Variants in PLCB1 observed in about 807,000 individuals in gnomAD.
PLCB1 encodes the protein 1-phosphatidylinositol 4,5-bisphosphate phosphodiesterase beta-1.
Under a neutral mutation model 161.8 loss-of-function variants are expected in PLCB1, and 46 were observed. The observed-to-expected ratio is 0.28, with a 90% CI of 0.22 to 0.36. The LOEUF (loss-of-function observed/expected upper bound fraction) is 0.36, where lower values mean the gene tolerates loss of function less well. Among genes scored for constraint, PLCB1 ranks in the 10% least tolerant of loss-of-function variants. The probability of loss-of-function intolerance (pLI) is 1.00; values close to 1 mark genes in which losing one functional copy is unlikely to be tolerated. For synonymous variants in PLCB1, 517 were observed against 503.7 expected, an observed-to-expected ratio of 1.03 and a Z score of -0.35; for missense variants, 1,016 against 1,472.5, an observed-to-expected ratio of 0.69 and a Z score of 5.07.
At chr20:8,595,151 C>T (rs1987291231) in intron 3 of PLCB1, among the ~76,000 whole-genome samples, 1 of 151,234 alleles carries the variant, frequency 6.6e-6, no homozygotes, top group Non-Finnish European at 1.5e-5. Flanking sequence ...GCACATTGTG[C>T]AGGTTAGTTA....
intron 2 of PLCB1, among the ~76,000 whole-genome samples, chr20:8,324,832 G>A (rs961271512): frequency 9.9e-5 from 15 of 152,184 alleles, no homozygotes; most frequent in African/African-American, 3.6e-4. Flanking sequence ...CCTTGTCACA[G>A]CCACTGCTTC....
intron 3 of PLCB1, among the ~76,000 whole-genome samples, chr20:8,497,580 G>T (rs1983231122): frequency 6.6e-6 from 1 of 152,148 alleles, no homozygotes. Context: ...AATTATAAAA[G>T]ATTTAGCCAT....
At chr20:8,509,741 G>C (rs1347953225) in intron 3 of PLCB1, among the ~76,000 whole-genome samples, 1 of 93,752 alleles carries the variant, frequency 1.1e-5, no homozygotes, top group Non-Finnish European at 2.3e-5. Context: ...TAGATAGATA[G>C]ATAGATAGAT....
intron 4 of PLCB1, among the ~76,000 whole-genome samples, chr20:8,632,774 C>G (rs908637177): frequency 6.6e-6 from 1 of 152,100 alleles, no homozygotes; most frequent in Non-Finnish European, 1.5e-5. Flanking sequence ...GCAAGCGTGA[C>G]AGCAGCTGGG....
At chr20:8,619,458 A>C (rs2013817) in intron 3 of PLCB1, among the ~76,000 whole-genome samples, 120,733 of 151,922 alleles carry the variant, frequency 0.79, 48,192 homozygotes, top group East Asian at 0.85. Context: ...AGATAAGTAT[A>C]AGCTAACATT....
chr20:8,406,052 C>T (rs968770306), intron 3 of PLCB1, among the ~76,000 whole-genome samples: 17 of 151,664 alleles, frequency 1.1e-4, no homozygotes, highest in African/African-American at 4.1e-4. Context: ...CATTTACCAG[C>T]CCATCATTGC....
chr20:8,526,079 A>G (rs777053302), intron 3 of PLCB1, among the ~76,000 whole-genome samples: 4 of 152,162 alleles, frequency 2.6e-5, no homozygotes, highest in Non-Finnish European at 5.9e-5. Flanking sequence ...ATCCTATATC[A>G]TGATCAGCGG....
intron 2 of PLCB1, among the ~76,000 whole-genome samples, chr20:8,162,188 A>G (rs954844271): frequency 2.6e-5 from 4 of 152,170 alleles, no homozygotes; most frequent in African/African-American, 9.7e-5. Context: ...ATCGTTACCA[A>G]ACATGTCCTC....
intron 2 of PLCB1, among the ~76,000 whole-genome samples, chr20:8,306,708 A>G (rs909845576): frequency 1.3e-5 from 2 of 152,230 alleles, no homozygotes; most frequent in Non-Finnish European, 2.9e-5. Flanking sequence ...TGCAAAGTGA[A>G]TGAAGAACTC....
intron 11 of PLCB1, among the ~76,000 whole-genome samples, chr20:8,699,513 T>G (rs1251340293): frequency 6.6e-6 from 1 of 151,974 alleles, no homozygotes; most frequent in African/African-American, 2.4e-5. Context: ...TAAAGAAGAT[T>G]GAAAGGTAGT....
intron 31 of PLCB1, among the ~76,000 whole-genome samples, chr20:8,839,946 G>T (rs375181253): frequency 2.0e-5 from 3 of 151,474 alleles, no homozygotes; most frequent in South Asian, 2.1e-4. Flanking sequence ...CAGGAGAATC[G>T]CTTGAACCCA....
At chr20:8,785,618 G>A (rs1256240499) in intron 27 of PLCB1, among the ~76,000 whole-genome samples, 1 of 152,148 alleles carries the variant, frequency 6.6e-6, no homozygotes, top group African/African-American at 2.4e-5. Flanking sequence ...AAAGGACGTG[G>A]CAGACAGGGA....
In PLCB1 at chr20:8,724,636, T is replaced by C. The variant is rs978161914; in HGVS notation, c.1582-20T>C. The stretch of plus-strand genomic sequence containing the variant: ...TAATGCTGACTCTGGAAATGTTTTC[T>C]TTTTTATTCCTACTTCCAGGGGACT... On this transcript the variant is annotated intron_variant, in intron 15 of 31. Transcript: ENST00000338037. The C allele has an allele frequency of 1.4e-6, 2 of 1,398,298 alleles. No homozygotes were observed. Among genetic ancestry groups the C allele is most frequent in the Non-Finnish European group, 2.0e-6 (2 of 989,494 alleles). The allele number at this position is 1,398,298 out of a possible 1,614,324, so 86.6% of individuals were successfully genotyped here.
intron 2 of PLCB1, among the ~76,000 whole-genome samples, chr20:8,292,352 C>T (rs1359917015): frequency 6.6e-6 from 1 of 152,120 alleles, no homozygotes; most frequent in Non-Finnish European, 1.5e-5. Flanking sequence ...TTTGTTCAAG[C>T]ACAGTTGTGC....
chr20:8,875,661 G>A (rs1359880593), intron 31 of PLCB1, among the ~76,000 whole-genome samples: 1 of 151,388 alleles, frequency 6.6e-6, no homozygotes, highest in East Asian at 1.9e-4. Flanking sequence ...ATATCTGTCT[G>A]CACATTATCC....
chr20:8,358,487 G>A (rs566306339), intron 2 of PLCB1, among the ~76,000 whole-genome samples: 1 of 152,102 alleles, frequency 6.6e-6, no homozygotes, highest in South Asian at 2.1e-4. Context: ...CTGACCTCAG[G>A]TGATCCACCC....
intron 31 of PLCB1, among the ~76,000 whole-genome samples, chr20:8,877,685 A>G (rs1222782075): frequency 6.6e-6 from 1 of 152,212 alleles, no homozygotes; most frequent in Non-Finnish European, 1.5e-5. Context: ...ACGGAGCCAG[A>G]ATTACCCTGT....
At chr20:8,285,166 A>T (rs980477288) in intron 2 of PLCB1, among the ~76,000 whole-genome samples, 1 of 151,090 alleles carries the variant, frequency 6.6e-6, no homozygotes, top group East Asian at 1.9e-4. Context: ...TATAAACCAG[A>T]TGCTTCACTT....
At chr20:8,209,478 G>A (rs1978706695) in intron 2 of PLCB1, among the ~76,000 whole-genome samples, 3 of 152,020 alleles carry the variant, frequency 2.0e-5, no homozygotes, top group African/African-American at 7.2e-5. Flanking sequence ...TAATCTTATG[G>A]TAATTTTATT....
Sources: allele counts gnomAD v4.1 joint callset (sites outside exome capture counted in the v4.1 genomes callset), GRCh38; gene constraint gnomAD v4.1.1; transcripts MANE v1.5; gene names NCBI Gene and HGNC (gene_info 2026-07-23, HGNC 2026-07-21).